The following KLHDC3 variants were observed in gnomAD, a reference collection of about 807,000 sequenced individuals.
KLHDC3 encodes the protein kelch domain-containing protein 3.
Under a neutral mutation model 44.1 loss-of-function variants are expected in KLHDC3, and 5 were observed. The observed-to-expected ratio is 0.11, with a 90% CI of 0.06 to 0.24. The LOEUF (loss-of-function observed/expected upper bound fraction) is 0.24, where lower values mean the gene tolerates loss of function less well. Ranked by LOEUF, KLHDC3 falls within the 10% of genes least tolerant of loss-of-function variation. The pLI is 1.00. For synonymous variants in KLHDC3, 170 were observed against 189.0 expected, an observed-to-expected ratio of 0.90 and a Z score of 0.82; for missense variants, 247 against 514.3, an observed-to-expected ratio of 0.48 and a Z score of 5.03.
rs1762682527 is a variant in KLHDC3, at chr6:43,021,047, A to G, written c.*314A>G. The G allele has an allele frequency of 1.9e-6, 1 of 535,780 alleles. No individual in the cohort carries two copies. The highest frequency in any genetic ancestry group is 3.6e-6 in the Non-Finnish European group (1 of 278,654). 33.2% of individuals were successfully genotyped at this position (535,780 alleles called of 1,614,324 possible). A position where few individuals can be genotyped will look rare whatever the true frequency, so the allele number is the denominator to read the frequency against. On this transcript the variant is annotated 3_prime_UTR_variant, in exon 11 of 11. Transcript: ENST00000326974. ...CTGGGAAGGGAAGGGAATGGGGAGA[A>G]GGGAGAAGCAAGCAGTGTCTGAGCC...
At chr6:43,019,052 A>G (rs775025634) in intron 8 of KLHDC3, 40 bp from the exon 9 acceptor site, 4 of 1,579,750 alleles carry the variant, frequency 2.5e-6, no homozygotes, top group African/African-American at 1.3e-5. Flanking sequence ...TTTCGTGGGT[A>G]GTTTTTGTCC....
In KLHDC3 at chr6:43,019,084, C is replaced by A. The variant is rs888972308; in HGVS notation, c.930-8C>A. Reference sequence around the variant, plus strand: ...GTCCTACTTTCATCTCTCTTTTGATCCCGACAGTCCATCTCCTGAGGAAGG... The same window carrying A: ...GTCCTACTTTCATCTCTCTTTTGATACCGACAGTCCATCTCCTGAGGAAGG... On this transcript the variant is annotated splice_polypyrimidine_tract_variant and splice_region_variant and intron_variant, in intron 8 of 10. Coordinates refer to ENST00000326974, the MANE Select transcript of KLHDC3 (RefSeq NM_057161.4). 1 of 1,611,014 alleles carries A rather than the reference C, an allele frequency of 6.2e-7. No homozygotes were observed. The highest frequency in any genetic ancestry group is 1.7e-5 in the Admixed American group (1 of 59,960).
chr6:43,020,567 G>A, intron 10 of KLHDC3, 100 bp from the exon 11 acceptor site: 2 of 934,168 alleles, frequency 2.1e-6, no homozygotes, highest in South Asian at 2.7e-5. Flanking sequence ...TGACCTTTAG[G>A]AAGTTGGAGA....
intron 10 of KLHDC3, 33 bp downstream of exon 10, chr6:43,019,399 T>C (rs1354762489): frequency 2.0e-5 from 28 of 1,429,270 alleles, no homozygotes; most frequent in Non-Finnish European, 2.5e-5. Context: ...AGGGATTGAG[T>C]GAGGGTGAGT....
rs777945761 is a variant in KLHDC3, at chr6:43,017,383, TC to T, written c.154+38del. On this transcript the variant is annotated intron_variant, in intron 2 of 10. Coordinates refer to ENST00000326974, the MANE Select transcript of KLHDC3 (RefSeq NM_057161.4). The surrounding 1 kb of genome is among the most constrained non-coding windows in gnomAD (Gnocchi z 6.0). Reference sequence around the variant, plus strand: ...CTGGGGCTGTCCCTGGGTCCCCACATCAGGGTGGGAACGGGCTGCTGATGAG... The same window carrying T: ...CTGGGGCTGTCCCTGGGTCCCCACATAGGGTGGGAACGGGCTGCTGATGAG... 1 of 1,595,406 alleles carries T rather than the reference TC, an allele frequency of 6.3e-7. No homozygotes were observed. Among genetic ancestry groups the T allele is most frequent in the Non-Finnish European group, 8.6e-7 (1 of 1,167,656 alleles).
chr6:43,019,018 AGTGGGAGGTATTTGAAAAGGGGGTTTC>A, intron 8 of KLHDC3, 47 bp downstream of exon 8: 1 of 1,562,386 alleles, frequency 6.4e-7, no homozygotes, highest in East Asian at 2.2e-5. Flanking sequence ...CTAATGGGAG[AGTGGGAGGTATTTGAAAAGGGGGTTTC>A]GTGGGTAGTT....
At chr6:43,014,440 G>T in intron 1 of KLHDC3, 92 bp downstream of exon 1, 1 of 480,208 alleles carries the variant, frequency 2.1e-6, no homozygotes. Flanking sequence ...GCCTGAGAGT[G>T]ATGAGGTGGG....
rs1359650596 is a variant in KLHDC3, at chr6:43,018,449, A to G, written c.626A>G (p.Asn209Ser). 6 of 1,613,996 alleles carry G rather than the reference A, an allele frequency of 3.7e-6. No individual in the cohort carries two copies. Among genetic ancestry groups the G allele is most frequent in the Non-Finnish European group, 2.5e-6 (3 of 1,180,024 alleles). The change falls in exon 6 of 11, where the codon AAT becomes AGT. Residue 209 changes from asparagine to serine, a missense_variant. Coordinates refer to ENST00000326974, the MANE Select transcript of KLHDC3 (RefSeq NM_057161.4). This position sits in a 1 kb window ranked among gnomAD's most constrained non-coding sequence, Gnocchi z 6.0. Reference sequence around the variant, plus strand: ...CGCTTTGGGCCATTCCATTCCAACAATGAGATTTACTGCAACCGCATTCGA... The same window carrying G: ...CGCTTTGGGCCATTCCATTCCAACAGTGAGATTTACTGCAACCGCATTCGA... ...ADRFGPFHSN[N>S]EIYCNRIRVF...
intron 10 of KLHDC3, among the ~76,000 whole-genome samples, 197 bp downstream of exon 10, chr6:43,019,563 GAA>G (rs112870593): frequency 2.6e-5 from 4 of 150,956 alleles, no homozygotes; most frequent in Non-Finnish European, 4.4e-5. Context: ...TAAATTATAT[GAA>G]AAAAAAATAC....
At position 43,018,182 on chromosome 6, in the gene KLHDC3, C is replaced by G; in HGVS notation, c.485C>G (p.Thr162Ser). 1 of 1,611,456 alleles carries G rather than the reference C, an allele frequency of 6.2e-7. No homozygotes were observed. Among genetic ancestry groups the G allele is most frequent in the African/African-American group, 1.3e-5 (1 of 74,936 alleles). ...CFSNDIHKLDTSTMTWTLICT... is the reference protein window; with the variant it reads ...CFSNDIHKLDSSTMTWTLICT... ...TCCAATGACATTCACAAGCTAGATACCAGCACCATGACATGGACTCTTATC... is the reference window on the plus strand; with the variant it reads ...TCCAATGACATTCACAAGCTAGATAGCAGCACCATGACATGGACTCTTATC... Residue 162 changes from threonine (T) to serine (S), a missense_variant, in exon 5 of 11, where the codon ACC (threonine) becomes AGC (serine). Physicochemically the swap from Thr to Ser is moderately conservative, Grantham distance 58. Coordinates refer to ENST00000326974, the MANE Select transcript of KLHDC3 (RefSeq NM_057161.4). This position sits in a 1 kb window ranked among gnomAD's most constrained non-coding sequence, Gnocchi z 6.0.
chr6:43,017,673 T>C lies in KLHDC3; in HGVS notation c.309T>C (p.Asn103=). 1 of 1,613,014 alleles carries C rather than the reference T, an allele frequency of 6.2e-7. No individual in the cohort carries two copies. The highest frequency in any genetic ancestry group is 8.5e-7 in the Non-Finnish European group (1 of 1,179,402). ...GGRNDTEGAC[N]VLYAFDVNTH... is the part of the protein sequence containing the mutation. ...GGAATGACACCGAAGGGGCCTGCAATGTGCTCTATGCCTTTGACGTCAGTG... is the reference window on the plus strand; with the variant it reads ...GGAATGACACCGAAGGGGCCTGCAACGTGCTCTATGCCTTTGACGTCAGTG... Residue 103 remains asparagine (N), a synonymous_variant, in exon 3 of 11, where the codon AAT becomes AAC. Coordinates refer to ENST00000326974, the MANE Select transcript of KLHDC3 (RefSeq NM_057161.4). This position sits in a 1 kb window ranked among gnomAD's most constrained non-coding sequence, Gnocchi z 6.0.
At chr6:43,019,393 A>T (rs537313696) in intron 10 of KLHDC3, 27 bp downstream of exon 10, 1 of 1,522,420 alleles carries the variant, frequency 6.6e-7, no homozygotes, top group African/African-American at 1.4e-5. Flanking sequence ...GAAGGGAGGG[A>T]TTGAGTGAGG....
chr6:43,018,517 A>C lies in KLHDC3; in HGVS notation c.694A>C (p.Thr232Pro), dbSNP rs1581878253. 1 of 1,613,832 alleles carries C rather than the reference A, an allele frequency of 6.2e-7. No homozygotes were observed. Among genetic ancestry groups the C allele is most frequent in the South Asian group, 1.1e-5 (1 of 91,056 alleles). ...RTEAWLDCPP[T>P]PVLPEGRRSH... ...TGAGGCTTGGCTGGACTGTCCCCCGACTCCAGTGCTGCCTGAGGGGCGCCG... is the reference window on the plus strand; with the variant it reads ...TGAGGCTTGGCTGGACTGTCCCCCGCCTCCAGTGCTGCCTGAGGGGCGCCG... Residue 232 changes from threonine (T) to proline (P), a missense_variant, in exon 6 of 11, where the codon ACT becomes CCT. Transcript: ENST00000326974. This position sits in a 1 kb window ranked among gnomAD's most constrained non-coding sequence, Gnocchi z 6.0.
At position 43,017,658 on chromosome 6, in the gene KLHDC3, C is replaced by T. The variant is rs745618051; in HGVS notation, c.294C>T (p.Thr98=). 7 of 1,613,542 alleles carry T rather than the reference C, an allele frequency of 4.3e-6. No homozygotes were observed. Among genetic ancestry groups the T allele is most frequent in the East Asian group, 4.5e-5 (2 of 44,894 alleles). ...TVLLWGGRND[T]EGACNVLYAF... is the part of the protein sequence containing the mutation. Reference sequence around the variant, plus strand: ...TCCTTTGGGGCGGGCGGAATGACACCGAAGGGGCCTGCAATGTGCTCTATG... The same window carrying T: ...TCCTTTGGGGCGGGCGGAATGACACTGAAGGGGCCTGCAATGTGCTCTATG... Residue 98 remains threonine (T), a synonymous_variant, in exon 3 of 11, where the codon ACC becomes ACT. Transcript: ENST00000326974. This position sits in a 1 kb window ranked among gnomAD's most constrained non-coding sequence, Gnocchi z 6.0.
At position 43,017,414 on chromosome 6, in the gene KLHDC3, G is replaced by C. The variant is rs1221275278; in HGVS notation, c.154+68G>C. 1 of 1,575,840 alleles carries C rather than the reference G, an allele frequency of 6.3e-7. No homozygotes were observed. Among genetic ancestry groups the C allele is most frequent in the Admixed American group, 1.7e-5 (1 of 57,904 alleles). On this transcript the variant is annotated intron_variant, in intron 2 of 10. Coordinates refer to ENST00000326974, the MANE Select transcript of KLHDC3 (RefSeq NM_057161.4). This position sits in a 1 kb window ranked among gnomAD's most constrained non-coding sequence, Gnocchi z 6.0. ...TGGGAACGGGCTGCTGATGAGGTTT[G>C]GCTGTGGTCTCTGGGACCAAGGGGA...
Position 43,019,185 on chromosome 6 carries a change from A to C in KLHDC3, c.1003+20A>C. On this transcript the variant is annotated intron_variant, in intron 9 of 10. Coordinates refer to ENST00000326974, the MANE Select transcript of KLHDC3 (RefSeq NM_057161.4). Reference sequence around the variant, plus strand: ...ACTTTAGTAAGTATAGTTATTCCTGAATTGCTCCTGCCATCAAGGTCCCTG... The same window carrying C: ...ACTTTAGTAAGTATAGTTATTCCTGCATTGCTCCTGCCATCAAGGTCCCTG... 6.3e-7 allele frequency: 1 copy of C among 1,581,338 alleles called. No homozygotes were observed.
chr6:43,014,429 G>A (rs1448515067), intron 1 of KLHDC3, 81 bp downstream of exon 1: 45 of 563,614 alleles, frequency 8.0e-5, no homozygotes, highest in South Asian at 7.1e-4. Flanking sequence ...GCGGGGGAGG[G>A]GCCTGAGAGT....
Position 43,018,273 on chromosome 6 carries a change from A to G in KLHDC3, c.519+57A>G. The G allele has an allele frequency of 6.4e-7, 1 of 1,574,410 alleles. No homozygotes were observed. Among genetic ancestry groups the G allele is most frequent in the Non-Finnish European group, 8.7e-7 (1 of 1,144,408 alleles). On this transcript the variant is annotated intron_variant, in intron 5 of 10. Coordinates refer to ENST00000326974, the MANE Select transcript of KLHDC3 (RefSeq NM_057161.4). This position sits in a 1 kb window ranked among gnomAD's most constrained non-coding sequence, Gnocchi z 6.0. ...ACCCTCTGTTGAAGCAATGATAGGAAGCTCAGTCAGAGGAGATCCTCTTCC... is the reference window on the plus strand; with the variant it reads ...ACCCTCTGTTGAAGCAATGATAGGAGGCTCAGTCAGAGGAGATCCTCTTCC...
chr6:43,017,227 C>T lies in KLHDC3; in HGVS notation c.35C>T (p.Pro12Leu). The change falls in exon 2 of 11, where the codon CCC becomes CTC. Residue 12 changes from proline (P) to leucine (L), a missense_variant. This residue lies in a region of KLHDC3 where 71 missense variants were observed against 100.8 expected (regional missense o/e 0.70). Transcript: ENST00000326974. This position sits in a 1 kb window ranked among gnomAD's most constrained non-coding sequence, Gnocchi z 6.0. ...LRWTVHLEGG[P>L]RRVNHAAVAV... ...TGGACAGTGCACCTGGAGGGCGGGC[C>T]CCGCAGGGTGAACCATGCTGCAGTG... 1.9e-6 allele frequency: 3 copies of T among 1,614,028 alleles called. No individual in the cohort carries two copies. The highest frequency in any genetic ancestry group is 2.5e-6 in the Non-Finnish European group (3 of 1,180,004).
Sources: gnomAD v4.1 joint callset for allele counts (sites outside exome capture counted in the v4.1 genomes callset) on GRCh38, gnomAD v4.1.1 for gene constraint, gnomAD v4.1.1 regional missense constraint, Gnocchi (gnomAD v3.1) non-coding constraint, MANE v1.5 for transcripts, NCBI Gene and HGNC (gene_info 2026-07-23, HGNC 2026-07-21) for gene names.